TBC1D19: variants seen among roughly 807,000 people sequenced by gnomAD.
TBC1D19 encodes the protein TBC1 domain family, member 19.
A neutral mutation model predicts 89.0 loss-of-function variants in TBC1D19; 60 were observed. The ratio of observed to expected loss-of-function variants is 0.67; its 90% CI spans 0.55 to 0.84. TBC1D19 has a LOEUF of 0.84. Ranked by LOEUF, TBC1D19 falls within the 40% of genes least tolerant of loss-of-function variation. The pLI is 0.00. For synonymous variants in TBC1D19, 189 were observed against 199.7 expected (o/e 0.95, Z 0.45); for missense variants, 500 against 610.8 (o/e 0.82, Z 1.91).
upstream of TBC1D19, chr4:26,584,019 G>C (rs1739249088): frequency 6.4e-6 from 4 of 627,360 alleles, no homozygotes; most frequent in Non-Finnish European, 1.1e-5. Flanking sequence ...CAGGCGCTGA[G>C]GGGACCAGAG....
chr4:26,741,350 G>A (rs1175076399), intron 17 of TBC1D19, among the ~76,000 whole-genome samples: 3 of 124,668 alleles, frequency 2.4e-5, no homozygotes, highest in Non-Finnish European at 4.8e-5. Flanking sequence ...GCGACAGAGC[G>A]AGACTCTGTC....
intron 7 of TBC1D19, among the ~76,000 whole-genome samples, chr4:26,658,225 A>T (rs1183198147): frequency 6.6e-6 from 1 of 152,178 alleles, no homozygotes; most frequent in Non-Finnish European, 1.5e-5. Flanking sequence ...TTTAGGTCTT[A>T]TGTTTAAGTC....
At chr4:26,681,247 A>G (rs1439676113) in intron 11 of TBC1D19, among the ~76,000 whole-genome samples, 3 of 152,082 alleles carry the variant, frequency 2.0e-5, no homozygotes, top group African/African-American at 4.8e-5. Flanking sequence ...TTTAAGATAC[A>G]TAGAGCCTTG....
chr4:26,740,768 C>CA, intron 17 of TBC1D19: 1 of 985,350 alleles, frequency 1.0e-6, no homozygotes. Flanking sequence ...GTCAGGGCTA[C>CA]TAAATTTCCC....
chr4:26,634,227 G>A (rs903957516), intron 4 of TBC1D19, among the ~76,000 whole-genome samples: 24 of 151,958 alleles, frequency 1.6e-4, no homozygotes, highest in African/African-American at 5.6e-4. Flanking sequence ...TCAATCTTCC[G>A]TACATATCAA....
intron 1 of TBC1D19, among the ~76,000 whole-genome samples, chr4:26,603,250 G>T (rs1001647001): frequency 6.6e-6 from 1 of 152,168 alleles, no homozygotes; most frequent in Non-Finnish European, 1.5e-5. Context: ...TGATATTAAT[G>T]AACATTACTT....
intron 7 of TBC1D19, among the ~76,000 whole-genome samples, chr4:26,645,646 T>C (rs1184155398): frequency 6.6e-6 from 1 of 152,122 alleles, no homozygotes; most frequent in Non-Finnish European, 1.5e-5. Context: ...AAAGCCAAAA[T>C]TGACAAATGG....
the TBC1D19 span, among the ~76,000 whole-genome samples, chr4:26,776,997 C>T: frequency 2.6e-5 from 4 of 151,862 alleles, no homozygotes; most frequent in Non-Finnish European, 5.9e-5. Context: ...ATTTCAAGAA[C>T]GTTTTGTTGA....
chr4:26,670,656 C>G (rs544337294), intron 9 of TBC1D19, among the ~76,000 whole-genome samples: 1 of 151,668 alleles, frequency 6.6e-6, no homozygotes, highest in Non-Finnish European at 1.5e-5. Flanking sequence ...AACACACTTG[C>G]GTAACCTCCA....
the TBC1D19 span, among the ~76,000 whole-genome samples, chr4:26,828,265 G>A: frequency 7.9e-5 from 12 of 152,166 alleles, no homozygotes; most frequent in Non-Finnish European, 1.5e-5. Context: ...AGCCTCTTAG[G>A]CTCCAGCTTC....
At chr4:26,826,629 T>G in the TBC1D19 span, among the ~76,000 whole-genome samples, 1 of 152,198 alleles carries the variant, frequency 6.6e-6, no homozygotes. Flanking sequence ...GCGTGTATTT[T>G]GTTAGATTGA....
chr4:26,705,353 C>A (rs748579303), intron 13 of TBC1D19, among the ~76,000 whole-genome samples: 6 of 152,140 alleles, frequency 3.9e-5, no homozygotes, highest in Non-Finnish European at 7.4e-5. Flanking sequence ...CAAGAGATCA[C>A]CAAATCCAAT....
intron 18 of TBC1D19, among the ~76,000 whole-genome samples, chr4:26,746,422 T>C (rs1280396440): frequency 1.3e-5 from 2 of 152,106 alleles, no homozygotes; most frequent in Non-Finnish European, 2.9e-5. Context: ...CATTTTCTAC[T>C]GATCTATAGT....
the TBC1D19 span, among the ~76,000 whole-genome samples, chr4:26,844,008 C>A: frequency 3.9e-5 from 6 of 152,312 alleles, no homozygotes; most frequent in South Asian, 6.2e-4. Flanking sequence ...ATCCAAACAC[C>A]TCCTACCATG....
chr4:26,690,396 G>A (rs1714170689), intron 13 of TBC1D19, among the ~76,000 whole-genome samples: 1 of 152,204 alleles, frequency 6.6e-6, no homozygotes, highest in South Asian at 2.1e-4. Flanking sequence ...ATTTTTCAGT[G>A]TAGATGAAAC....
chr4:26,780,606 A>G, the TBC1D19 span, among the ~76,000 whole-genome samples: 31 of 152,232 alleles, frequency 2.0e-4, no homozygotes, highest in African/African-American at 7.0e-4. Flanking sequence ...GCTAGCAAGT[A>G]GCCAGCTACC....
the TBC1D19 span, among the ~76,000 whole-genome samples, chr4:26,848,242 C>G: frequency 6.6e-6 from 1 of 152,182 alleles, no homozygotes; most frequent in African/African-American, 2.4e-5. Flanking sequence ...GATTCACTCC[C>G]TCTCTGCATG....
At chr4:26,753,170 A>G (rs1189783918) in intron 19 of TBC1D19, among the ~76,000 whole-genome samples, 1 of 152,222 alleles carries the variant, frequency 6.6e-6, no homozygotes, top group East Asian at 1.9e-4. Flanking sequence ...AAAAATTATA[A>G]AAATATTTTT....
the TBC1D19 span, among the ~76,000 whole-genome samples, chr4:26,833,534 C>A: frequency 6.6e-6 from 1 of 152,170 alleles, no homozygotes; most frequent in Non-Finnish European, 1.5e-5. Context: ...TAAATGGAAT[C>A]ATTCAGTCAG....
Sources: allele counts gnomAD v4.1 joint callset (sites outside exome capture counted in the v4.1 genomes callset), GRCh38; gene constraint gnomAD v4.1.1; transcripts MANE v1.5; gene names NCBI Gene and HGNC (gene_info 2026-07-23, HGNC 2026-07-21).